WDR72: variants seen among roughly 807,000 people sequenced by gnomAD.
The protein encoded by WDR72 is WD repeat domain 72, also known as WD repeat-containing protein 72.
WDR72 carries 120 observed loss-of-function variants against 124.2 expected under a neutral mutation model. The observed-to-expected ratio is 0.97, with a 90% CI of 0.83 to 1.12. The LOEUF is 1.12. Ranked by LOEUF, WDR72 falls within the 50% of genes most tolerant of loss-of-function variation. The pLI, the probability that WDR72 is intolerant of heterozygous loss-of-function variation, is 0.00. For missense variants in WDR72, 1,387 were observed against 1,278.8 expected, an observed-to-expected ratio of 1.08 and a Z score of -1.29; for synonymous variants, 452 against 441.7, an observed-to-expected ratio of 1.02 and a Z score of -0.29.
intron 18 of WDR72, among the ~76,000 whole-genome samples, chr15:53,568,979 T>C (rs1176374114): frequency 1.3e-5 from 2 of 152,048 alleles, no homozygotes; most frequent in African/African-American, 2.4e-5. Context: ...TAAAATAATG[T>C]TTAATTTACC....
chr15:53,665,529 G>A, intron 14 of WDR72, 43 bp downstream of exon 14: 1 of 1,607,760 alleles, frequency 6.2e-7, no homozygotes, highest in South Asian at 1.1e-5. Context: ...TTCTTATTCG[G>A]TTGATAATGT....
Position 53,613,661 on chromosome 15 carries a change from CT to C in WDR72, c.2872+4del, listed in dbSNP as rs746306326. 1.9e-6 allele frequency: 3 copies of C among 1,601,566 alleles called. No individual in the cohort carries two copies. Among genetic ancestry groups the C allele is most frequent in the Non-Finnish European group, 2.6e-6 (3 of 1,170,336 alleles). ...AGATCATATCTGTGCCAGTAACTCTCTTACCATTTCGTAAGCAACTGTAGAA... is the reference window on the plus strand; with the variant it reads ...AGATCATATCTGTGCCAGTAACTCTCTACCATTTCGTAAGCAACTGTAGAA... On this transcript the variant is annotated splice_donor_region_variant and intron_variant, in intron 16 of 19. Coordinates refer to ENST00000360509, the MANE Select transcript of WDR72 (RefSeq NM_182758.4).
At chr15:53,624,819 A>G (rs1011465563) in intron 14 of WDR72, among the ~76,000 whole-genome samples, 11 of 152,208 alleles carry the variant, frequency 7.2e-5, no homozygotes, top group African/African-American at 2.7e-4. Flanking sequence ...AGTGTATGCT[A>G]AAAGTCTTAT....
intron 18 of WDR72, among the ~76,000 whole-genome samples, chr15:53,593,257 A>G (rs1366355272): frequency 2.6e-5 from 4 of 152,128 alleles, no homozygotes; most frequent in African/African-American, 9.7e-5. Context: ...AAAATCACTT[A>G]GCAAATTATT....
At chr15:53,565,363 T>C (rs906930601) in intron 18 of WDR72, among the ~76,000 whole-genome samples, 2 of 151,854 alleles carry the variant, frequency 1.3e-5, no homozygotes, top group African/African-American at 4.8e-5. Context: ...GAATAAACAA[T>C]GAAAAGTTTT....
chr15:53,666,915 G>A (rs1019590375), intron 13 of WDR72, among the ~76,000 whole-genome samples: 5 of 152,122 alleles, frequency 3.3e-5, no homozygotes, highest in African/African-American at 1.2e-4. Context: ...AACAGTTACT[G>A]TGCTCAAATA....
intron 3 of WDR72, among the ~76,000 whole-genome samples, chr15:53,719,489 A>C (rs2140568762): frequency 6.6e-6 from 1 of 152,284 alleles, no homozygotes; most frequent in Non-Finnish European, 1.5e-5. Flanking sequence ...ACTAGCTTTT[A>C]GACATCTCCA....
chr15:53,647,040 C>CA (rs1355299694), intron 14 of WDR72, among the ~76,000 whole-genome samples: 1 of 151,980 alleles, frequency 6.6e-6, no homozygotes, highest in East Asian at 1.9e-4. Context: ...GCAGAGACTC[C>CA]AGTAGAAAGC....
chr15:53,712,724 A>T, intron 7 of WDR72, 48 bp downstream of exon 7: 1 of 1,573,584 alleles, frequency 6.4e-7, no homozygotes, highest in Non-Finnish European at 8.7e-7. Context: ...AAAACAAAAA[A>T]AATTACACTT....
At chr15:53,753,440 A>T (rs891732746) in intron 1 of WDR72, among the ~76,000 whole-genome samples, 5 of 152,250 alleles carry the variant, frequency 3.3e-5, no homozygotes, top group Admixed American at 2.6e-4. Context: ...AAGCTAGGCC[A>T]AAACAGACTT....
Position 53,556,929 on chromosome 15 carries a change from A to G in WDR72, c.3149-33607T>C, listed in dbSNP as rs537186236. Among the ~76,000 whole-genome samples, 223 of 152,240 alleles carry G rather than the reference A, an allele frequency of 1.5e-3. 1 individual carries two copies. The highest frequency in any genetic ancestry group is 5.0e-3 in the African/African-American group (208 of 41,542). On this transcript the variant is annotated intron_variant, in intron 18 of 19. Coordinates refer to ENST00000360509, the MANE Select transcript of WDR72 (RefSeq NM_182758.4). ...ATGTATACATATAGTACACATACAC[A>G]TACAATAACTTGAATAATTAACTCA...
chr15:53,682,781 T>C (rs2016442521), intron 13 of WDR72, among the ~76,000 whole-genome samples: 1 of 152,214 alleles, frequency 6.6e-6, no homozygotes, highest in Non-Finnish European at 1.5e-5. Context: ...CCTCCGCTTG[T>C]TATTCAGTTC....
rs61117158 is a variant in WDR72 at position 53,736,751 on chromosome 15, A to G, written c.-12-3590T>C. 9.8e-3 allele frequency among the ~76,000 whole-genome samples: 1,485 copies of G among 152,294 alleles called. 15 individuals are homozygous for G. Among genetic ancestry groups the G allele is most frequent in the South Asian group, 0.062 (301 of 4,826 alleles). ...ATATTAGGCAGTGGACAGGTCCACA[A>G]GAAGTGTTAAAGCCAGAAAATGATC... On this transcript the variant is annotated intron_variant, in intron 1 of 19. Transcript: ENST00000360509.
rs1213803971 is a variant in WDR72, at chr15:53,572,261, T to C, written c.3148+24818A>G. On this transcript the variant is annotated intron_variant, in intron 18 of 19. Coordinates refer to ENST00000360509, the MANE Select transcript of WDR72 (RefSeq NM_182758.4). Reference sequence around the variant, plus strand: ...ATTTTTGCTTTTTTTGACTGTGCTTTTGGGGTTGTATTAACAAACAAACAA... The same window carrying C: ...ATTTTTGCTTTTTTTGACTGTGCTTCTGGGGTTGTATTAACAAACAAACAA... 2.0e-5 allele frequency among the ~76,000 whole-genome samples: 3 copies of C among 152,136 alleles called. No individual in the cohort carries two copies. In the East Asian group the frequency reaches 5.8e-4, roughly 29 times the overall value.
chr15:53,545,820 A>G (rs1275627370), intron 18 of WDR72, among the ~76,000 whole-genome samples: 1 of 130,332 alleles, frequency 7.7e-6, no homozygotes, highest in Non-Finnish European at 1.6e-5. Context: ...TTTACAAGAA[A>G]AAAACAAACA....
At chr15:53,759,020 TTG>T (rs2018993925) in intron 1 of WDR72, among the ~76,000 whole-genome samples, 2 of 151,976 alleles carry the variant, frequency 1.3e-5, no homozygotes, top group Admixed American at 1.3e-4. Context: ...GGCAAAAGTC[TTG>T]TCCCCGCAGT....
chr15:53,600,255 T>C (rs957030596), intron 17 of WDR72, among the ~76,000 whole-genome samples: 26 of 152,128 alleles, frequency 1.7e-4, no homozygotes, highest in Non-Finnish European at 7.4e-5. Context: ...TCTCTATAAA[T>C]GTAATAGATA....
intron 14 of WDR72, among the ~76,000 whole-genome samples, chr15:53,640,764 T>C (rs1391383540): frequency 6.6e-6 from 1 of 152,084 alleles, no homozygotes; most frequent in East Asian, 1.9e-4. Context: ...ATTGTGGGCT[T>C]TTAGTGAGAA....
intron 2 of WDR72, among the ~76,000 whole-genome samples, chr15:53,731,191 A>G (rs2018192113): frequency 6.6e-6 from 1 of 152,024 alleles, no homozygotes; most frequent in South Asian, 2.1e-4. Flanking sequence ...AAATTCCTTC[A>G]CTTGTCATCT....
Sources: allele counts gnomAD v4.1 joint callset (sites outside exome capture counted in the v4.1 genomes callset), GRCh38; gene constraint gnomAD v4.1.1; transcripts MANE v1.5; gene names NCBI Gene and HGNC (gene_info 2026-07-23, HGNC 2026-07-21).